Variants in ATP8B1 observed in about 807,000 individuals in gnomAD.
The protein encoded by ATP8B1 is ATPase phospholipid transporting 8B1, also known as phospholipid-transporting ATPase IC.
Under a neutral mutation model 149.9 loss-of-function variants are expected in ATP8B1, and 80 were observed. That is an observed-to-expected ratio of 0.53 (90% confidence interval 0.45 to 0.64). ATP8B1 has a LOEUF of 0.64. Ranked by LOEUF, ATP8B1 falls within the 30% of genes least tolerant of loss-of-function variation. ATP8B1 has a pLI of 0.00. For synonymous variants in ATP8B1, 536 were observed against 562.8 expected, an observed-to-expected ratio of 0.95 and a Z score of 0.67; for missense variants, 1,247 against 1,552.6, an observed-to-expected ratio of 0.80 and a Z score of 3.31.
intron 17 of ATP8B1, among the ~76,000 whole-genome samples, chr18:57,669,806 C>T (rs781639403): frequency 3.9e-5 from 6 of 152,062 alleles, no homozygotes; most frequent in Non-Finnish European, 7.4e-5. Context: ...TGCACCACCA[C>T]GCCTGGTAAT....
intron 1 of ATP8B1, chr18:57,735,170 G>A (rs2123166659): frequency 6.2e-6 from 1 of 161,412 alleles, no homozygotes; most frequent in East Asian, 1.8e-4. Flanking sequence ...TCTGGTTACC[G>A]CTAGAACTGA....
chr18:57,797,703 CTTTTTTTTTTT>C (rs59261353), intron 1 of ATP8B1, among the ~76,000 whole-genome samples: 6 of 96,288 alleles, frequency 6.2e-5, no homozygotes, highest in Admixed American at 2.4e-4. Flanking sequence ...TTCTTTCTTT[CTTTTTTTTTTT>C]TTTTTTTTTT....
intron 1 of ATP8B1, among the ~76,000 whole-genome samples, chr18:57,791,694 A>C (rs1015324139): frequency 2.6e-5 from 4 of 151,862 alleles, no homozygotes; most frequent in African/African-American, 9.7e-5. Context: ...ATATGGGTAC[A>C]CCAATTTTGT....
chr18:57,775,136 G>A (rs2080295538), intron 1 of ATP8B1, among the ~76,000 whole-genome samples: 1 of 152,134 alleles, frequency 6.6e-6, no homozygotes, highest in South Asian at 2.1e-4. Context: ...GCAACATGGT[G>A]AAACCCCGTC....
At chr18:57,706,699 A>T in intron 2 of ATP8B1, 112 bp from the exon 3 acceptor site, 1 of 868,116 alleles carries the variant, frequency 1.2e-6, no homozygotes, top group Non-Finnish European at 1.9e-6. Flanking sequence ...CATCCCTCAG[A>T]ATGTGACCTT....
At position 57,731,839 on chromosome 18, in the gene ATP8B1, A is replaced by G. The variant is rs1461733851; in HGVS notation, c.-25-7T>C. On this transcript the variant is annotated splice_region_variant and splice_polypyrimidine_tract_variant and intron_variant, in intron 1 of 27. Transcript: ENST00000648908. The stretch of plus-strand genomic sequence containing the variant: ...GGCAAATTGGAACTACCTGCTTAAA[A>G]GGAAAGAGAAACCAGAGTGAATTAT... 2 of 1,613,416 alleles carry G rather than the reference A, an allele frequency of 1.2e-6. No individual in the cohort carries two copies. The highest frequency in any genetic ancestry group is 1.7e-6 in the Non-Finnish European group (2 of 1,179,550).
chr18:57,753,603 T>A (rs2080043977), intron 1 of ATP8B1, among the ~76,000 whole-genome samples: 1 of 152,208 alleles, frequency 6.6e-6, no homozygotes, highest in Non-Finnish European at 1.5e-5. Flanking sequence ...AATAATCTTT[T>A]CATAGACAGT....
intron 2 of ATP8B1, among the ~76,000 whole-genome samples, chr18:57,707,299 AAAAC>A (rs996712197): frequency 6.6e-6 from 1 of 152,132 alleles, no homozygotes; most frequent in Non-Finnish European, 1.5e-5. Flanking sequence ...CCATCTCAAA[AAAAC>A]AAACAGAAAA....
intron 1 of ATP8B1, chr18:57,740,375 A>C (rs1169955791): frequency 6.6e-6 from 1 of 152,008 alleles, no homozygotes; most frequent in Non-Finnish European, 1.5e-5. Flanking sequence ...AATATTTAAC[A>C]TATCGTAATA....
chr18:57,802,580 A>C lies in ATP8B1; in HGVS notation c.-26+418T>G, dbSNP rs1159043462. On this transcript the variant is annotated intron_variant, in intron 1 of 27. Coordinates refer to ENST00000648908, the MANE Select transcript of ATP8B1 (RefSeq NM_001374385.1). The surrounding 1 kb of genome is among the most constrained non-coding windows in gnomAD (Gnocchi z 4.9). ...TGCTCCCAAAGAGCGCCCCAGCAGG[A>C]CCCGGTCACCGGGGTCTTCCAGAGG... Among the ~76,000 whole-genome samples, 1 of 152,168 alleles carries C rather than the reference A, an allele frequency of 6.6e-6. No individual in the cohort carries two copies. The highest frequency in any genetic ancestry group is 1.5e-5 in the Non-Finnish European group (1 of 68,018).
intron 1 of ATP8B1, among the ~76,000 whole-genome samples, chr18:57,791,878 C>T (rs1599244345): frequency 6.6e-6 from 1 of 152,178 alleles, no homozygotes; most frequent in Non-Finnish European, 1.5e-5. Context: ...TAGTCTCTAT[C>T]TCTCATCACA....
At chr18:57,664,124 A>T (rs317849) in intron 20 of ATP8B1, among the ~76,000 whole-genome samples, 1 of 148,560 alleles carries the variant, frequency 6.7e-6, no homozygotes, top group South Asian at 2.1e-4. Context: ...GTCTCGATTC[A>T]TCCACCATGG....
chr18:57,652,647 A>C lies in ATP8B1; in HGVS notation c.3098T>G (p.Phe1033Cys), dbSNP rs1909701581. 6.2e-7 allele frequency: 1 copy of C among 1,614,196 alleles called. No individual in the cohort carries two copies. The highest frequency in any genetic ancestry group is 8.5e-7 in the Non-Finnish European group (1 of 1,180,026). Residue 1033 changes from phenylalanine to cysteine, a missense_variant, in exon 25 of 28, where the codon TTC (phenylalanine) becomes TGC (cysteine). Phe to Cys is a radical substitution (Grantham distance 205). Coordinates refer to ENST00000648908, the MANE Select transcript of ATP8B1 (RefSeq NM_001374385.1). ...QRDLLFNYKR[F>C]FVSLLHGVLT... Reference sequence around the variant, plus strand: ...GACCCCATGCAACAAGCTTACAAAGAATCTCTTATAGTTGAATAGTAAGTC... The same window carrying C: ...GACCCCATGCAACAAGCTTACAAAGCATCTCTTATAGTTGAATAGTAAGTC...
At chr18:57,737,102 C>T (rs2079864668) in intron 1 of ATP8B1, 1 of 151,784 alleles carries the variant, frequency 6.6e-6, no homozygotes, top group African/African-American at 2.4e-5. Flanking sequence ...GTATAAGCCA[C>T]TACATCTGAC....
chr18:57,654,848 G>A (rs34653195), intron 23 of ATP8B1, among the ~76,000 whole-genome samples: 5 of 151,538 alleles, frequency 3.3e-5, no homozygotes, highest in African/African-American at 7.3e-5. Context: ...CACCACACCC[G>A]GAAAATTTTT....
At chr18:57,790,060 G>C (rs926046843) in intron 1 of ATP8B1, among the ~76,000 whole-genome samples, 3 of 152,148 alleles carry the variant, frequency 2.0e-5, no homozygotes, top group African/African-American at 7.2e-5. Context: ...CTTGGTCTCA[G>C]TGATGCCATC....
intron 3 of ATP8B1, among the ~76,000 whole-genome samples, chr18:57,705,994 T>C (rs1168633058): frequency 1.3e-5 from 2 of 152,234 alleles, no homozygotes; most frequent in Non-Finnish European, 2.9e-5. Flanking sequence ...CCCAAGTAGC[T>C]GAGACTGTGG....
In ATP8B1 at chr18:57,788,391, T is replaced by C. The variant is rs1234352003; in HGVS notation, c.-26+14607A>G. Among the ~76,000 whole-genome samples, 3 of 151,972 alleles carry C rather than the reference T, an allele frequency of 2.0e-5. No individual in the cohort carries two copies. In the East Asian group the frequency reaches 5.8e-4, roughly 29 times the overall value. Reference sequence around the variant, plus strand: ...CAACATGGTGAAACCCCATCTCTACTAAAAATACAAACAATTAGTCGGGCG... The same window carrying C: ...CAACATGGTGAAACCCCATCTCTACCAAAAATACAAACAATTAGTCGGGCG... On this transcript the variant is annotated intron_variant, in intron 1 of 27. Transcript: ENST00000648908.
chr18:57,655,695 A>G (rs966924907), intron 22 of ATP8B1, among the ~76,000 whole-genome samples: 1 of 152,158 alleles, frequency 6.6e-6, no homozygotes, highest in Admixed American at 6.5e-5. Flanking sequence ...ATCTGCCAAG[A>G]TCACAGCCAT....
Sources: allele counts gnomAD v4.1 joint callset (sites outside exome capture counted in the v4.1 genomes callset), GRCh38; gene constraint gnomAD v4.1.1; non-coding constraint Gnocchi (gnomAD v3.1); transcripts MANE v1.5; gene names NCBI Gene and HGNC (gene_info 2026-07-23, HGNC 2026-07-21).